The following MED16 variants were observed in gnomAD, a reference collection of about 807,000 sequenced individuals.
MED16 encodes mediator complex subunit 16.
A neutral mutation model predicts 84.4 loss-of-function variants in MED16; 81 were observed. That is an observed-to-expected ratio of 0.96 (90% CI 0.80 to 1.15). The LOEUF (loss-of-function observed/expected upper bound fraction) is 1.15. Among genes scored for constraint, MED16 ranks in the 50% most tolerant of loss-of-function variants. The pLI, the probability that MED16 is intolerant of heterozygous loss-of-function variation, is 0.00. For synonymous variants in MED16, 897 were observed against 552.2 expected, an observed-to-expected ratio of 1.62 and a Z score of -8.76; for missense variants, 1,585 against 1,245.9, an observed-to-expected ratio of 1.27 and a Z score of -4.10.
At position 870,761 on chromosome 19, in the gene MED16, TGGAG is replaced by T. The variant is rs1304979266; in HGVS notation, c.2315+272_2315+275del. 2.2e-3 allele frequency among the ~76,000 whole-genome samples: 110 copies of T among 50,004 alleles called. 1 individual carries two copies. The highest frequency in any genetic ancestry group is 8.0e-3 in the African/African-American group (102 of 12,708). 32.8% of individuals were successfully genotyped at this position (50,004 alleles called of 152,430 possible). ...TTCGGGGGGGTCCTGGGGCAGGACA[TGGAG>T]GGAGGGAGCCGTGTGGATTCGGGGG... On this transcript the variant is annotated intron_variant, in intron 13 of 15. Transcript: ENST00000325464.
Position 871,106 on chromosome 19 carries a change from C to G in MED16, c.2246G>C (p.Arg749Pro). 1.3e-6 allele frequency: 2 copies of G among 1,548,724 alleles called. No homozygotes were observed. The highest frequency in any genetic ancestry group is 1.7e-6 in the Non-Finnish European group (2 of 1,146,032). ...CGTGGGCGCCCGGCCAAACTGCAGA[C>G]GAAGGGGCTGCTTGGGCTGCAGGCG... ...VSRLQPKQPL[R>P]LQFGRAPTLP... The change falls in exon 13 of 16, where the codon CGT becomes CCT. Residue 749 changes from arginine to proline, a missense_variant. Transcript: ENST00000325464.
intron 12 of MED16, chr19:871,513 C>T (rs565136669): frequency 1.6e-5 from 25 of 1,544,014 alleles, no homozygotes; most frequent in Non-Finnish European, 2.1e-5. Context: ...GTGGGAAGCA[C>T]TGTGCCTTTT....
intron 9 of MED16, 92 bp downstream of exon 9, chr19:876,882 C>T (rs111469573): frequency 7.7e-7 from 1 of 1,295,978 alleles, no homozygotes; most frequent in Non-Finnish European, 1.0e-6. Flanking sequence ...CCACGGGGCC[C>T]CCACCTGCCA....
Position 893,162 on chromosome 19 carries a change from T to C in MED16, c.-95A>G, listed in dbSNP as rs1192261203. 1.3e-5 allele frequency: 2 copies of C among 152,248 alleles called. No individual in the cohort carries two copies. The highest frequency in any genetic ancestry group is 2.9e-5 in the Non-Finnish European group (2 of 68,054). The allele number at this position is 152,248 out of a possible 1,614,324, so 9.4% of individuals were successfully genotyped here. A position where few individuals can be genotyped will look rare whatever the true frequency, so the allele number is the denominator to read the frequency against. On this transcript the variant is annotated 5_prime_UTR_variant, in exon 1 of 16. It removes an upstream start codon present in the reference 5' UTR. Transcript: ENST00000325464. ...TAGCGCCTCGGGTCTGGCGCCGCCA[T>C]CTTCCTCGGTAACAACCAGTCGCCT...
chr19:875,698 G>A (rs1477140222), intron 9 of MED16, among the ~76,000 whole-genome samples: 1 of 152,186 alleles, frequency 6.6e-6, no homozygotes, highest in Non-Finnish European at 1.5e-5. Flanking sequence ...GGTGATGTCT[G>A]GAGATATTTT....
chr19:877,046 C>A lies in MED16; in HGVS notation c.1488G>T (p.Gln496His). 6.2e-7 allele frequency: 1 copy of A among 1,612,616 alleles called. No homozygotes were observed. The highest frequency in any genetic ancestry group is 8.5e-7 in the Non-Finnish European group (1 of 1,179,914). Reference sequence around the variant, plus strand: ...CCACCAGGCTCTGTACCATACTGGGCTGCACGTGCAGCAGGATGTCCCACC... The same window carrying A: ...CCACCAGGCTCTGTACCATACTGGGATGCACGTGCAGCAGGATGTCCCACC... ...YDWWDILLHV[Q>H]PSMVQSLVEK... Residue 496 changes from glutamine (Q) to histidine (H), a missense_variant, in exon 9 of 16, where the codon CAG becomes CAT. Physicochemically the swap from Gln to His is conservative, Grantham distance 24. Transcript: ENST00000325464.
intron 3 of MED16, 83 bp from the exon 4 acceptor site, chr19:889,890 GCCAGC>G: frequency 6.8e-7 from 1 of 1,476,500 alleles, no homozygotes; most frequent in Non-Finnish European, 9.0e-7. Context: ...CCTGGGGGAA[GCCAGC>G]CCAGTGGAGA....
chr19:888,472 CA>C (rs2036566724), intron 4 of MED16, among the ~76,000 whole-genome samples: 2 of 147,176 alleles, frequency 1.4e-5, no homozygotes, highest in Admixed American at 1.4e-4. Flanking sequence ...TGCTGTGAGC[CA>C]AGATCGCATC....
At chr19:879,433 G>GCAGCTCGCCTT (rs1568326988) in intron 8 of MED16, among the ~76,000 whole-genome samples, 76 of 5,136 alleles carry the variant, frequency 0.015, no homozygotes, top group Admixed American at 0.025. Context: ...ACCAACCCCA[G>GCAGCTCGCCTT]CCCCACGTGC....
Position 884,974 on chromosome 19 carries a change from A to ATGC in MED16, c.911_913dup (p.Ser304dup). 6.2e-7 allele frequency: 1 copy of ATGC among 1,608,074 alleles called. No individual in the cohort carries two copies. Among genetic ancestry groups the ATGC allele is most frequent in the Admixed American group, 1.7e-5 (1 of 59,700 alleles). ...CTTGCGCAGGGACCAGCACTCCACGATGCTGCTGGTCTGGCTGGACGCGCA... is the reference window on the plus strand; with the variant it reads ...CTTGCGCAGGGACCAGCACTCCACGATGCTGCTGCTGGTCTGGCTGGACGCGCA... On this transcript the variant is annotated inframe_insertion, in exon 6 of 16. Coordinates refer to ENST00000325464, the MANE Select transcript of MED16 (RefSeq NM_005481.3).
At chr19:875,034 C>T (rs905225283) in intron 10 of MED16, among the ~76,000 whole-genome samples, 1 of 152,060 alleles carries the variant, frequency 6.6e-6, no homozygotes, top group Non-Finnish European at 1.5e-5. Context: ...CGTGGTGGCA[C>T]GTGCCTGTAA....
At chr19:871,683 A>AAGGCAG (rs1568319060) in intron 12 of MED16, 2 of 1,513,998 alleles carry the variant, frequency 1.3e-6, no homozygotes, top group South Asian at 2.2e-5. Context: ...AGCAGATATC[A>AAGGCAG]AGGCAGAGCC....
chr19:886,335 G>A lies in MED16; in HGVS notation c.448-134C>T, dbSNP rs1218758662. 2.3e-5 allele frequency: 17 copies of A among 737,182 alleles called. 1 individual carries two copies. Among genetic ancestry groups the A allele is most frequent in the Non-Finnish European group, 3.5e-5 (17 of 481,738 alleles). 45.7% of individuals were successfully genotyped at this position (737,182 alleles called of 1,614,324 possible). On this transcript the variant is annotated intron_variant, in intron 4 of 15. Transcript: ENST00000325464. ...GCACCTGGGTTCAGATCCTGACTCGGCCACCTGAGCCGTGTGGGATGTGAT... is the reference window on the plus strand; with the variant it reads ...GCACCTGGGTTCAGATCCTGACTCGACCACCTGAGCCGTGTGGGATGTGAT...
chr19:880,052 G>A lies in MED16; in HGVS notation c.1238C>T (p.Pro413Leu), dbSNP rs1416290256. 6 of 1,611,218 alleles carry A rather than the reference G, an allele frequency of 3.7e-6. No homozygotes were observed. The highest frequency in any genetic ancestry group is 4.2e-6 in the Non-Finnish European group (5 of 1,179,354). Residue 413 changes from proline to leucine, a missense_variant, in exon 8 of 16, where the codon CCT becomes CTT. Coordinates refer to ENST00000325464, the MANE Select transcript of MED16 (RefSeq NM_005481.3). ...GCGCTTCATGGCCGGCTCATCCACAGGCCTCGGGGCCGCGGAGCTGTAGAA... is the reference window on the plus strand; with the variant it reads ...GCGCTTCATGGCCGGCTCATCCACAAGCCTCGGGGCCGCGGAGCTGTAGAA... ...AVFYSSAAPRPVDEPAMKRPR... is the reference protein window; with the variant it reads ...AVFYSSAAPRLVDEPAMKRPR...
chr19:884,988 G>T lies in MED16; in HGVS notation c.900C>A (p.Ser300Arg). 1 of 1,604,260 alleles carries T rather than the reference G, an allele frequency of 6.2e-7. No individual in the cohort carries two copies. ...MSEQVLLCAS[S>R]QTSSIVECWS... ...AGCACTCCACGATGCTGCTGGTCTGGCTGGACGCGCACAAAAGCACCTGCG... is the reference window on the plus strand; with the variant it reads ...AGCACTCCACGATGCTGCTGGTCTGTCTGGACGCGCACAAAAGCACCTGCG... The change falls in exon 6 of 16, where the codon AGC (serine) becomes AGA (arginine). Residue 300 changes from serine (S) to arginine (R), a missense_variant. Ser to Arg is a moderately radical substitution (Grantham distance 110). Coordinates refer to ENST00000325464, the MANE Select transcript of MED16 (RefSeq NM_005481.3).
intron 12 of MED16, chr19:871,716 G>A (rs895718231): frequency 1.6e-4 from 208 of 1,308,978 alleles, no homozygotes; most frequent in African/African-American, 1.5e-3. Context: ...AGGGGCTTAT[G>A]TTCTGGCGGG....
Position 868,228 on chromosome 19 carries a change from T to C in MED16, c.2507A>G (p.Asp836Gly). ...NCLAVEGRGP[D>G]ACVTSRASEE... The stretch of plus-strand genomic sequence containing the variant: ...AGAAGCTCTGCTGGTCACGCAGGCG[T>C]CCGGCCCACGGCCTTCAACAGCCCT... The change falls in exon 16 of 16, where the codon GAC (aspartate) becomes GGC (glycine). Residue 836 changes from aspartate (D) to glycine (G), a missense_variant. By Grantham distance (94) the Asp-to-Gly change is moderately conservative (BLOSUM62 -1). Transcript: ENST00000325464. 6.3e-7 allele frequency: 1 copy of C among 1,598,676 alleles called. No homozygotes were observed.
intron 9 of MED16, among the ~76,000 whole-genome samples, chr19:875,814 G>C (rs959588104): frequency 6.6e-6 from 1 of 152,188 alleles, no homozygotes; most frequent in Non-Finnish European, 1.5e-5. Flanking sequence ...CCCGATGTCT[G>C]TGGTGCCTAC....
chr19:875,261 G>A lies in MED16; in HGVS notation c.1754C>T (p.Thr585Ile), dbSNP rs1448655232. Residue 585 changes from threonine to isoleucine, a missense_variant, in exon 10 of 16, where the codon ACC becomes ATC. By Grantham distance (89) the Thr-to-Ile change is moderately conservative. Coordinates refer to ENST00000325464, the MANE Select transcript of MED16 (RefSeq NM_005481.3). ...GGACCCACCGACGTCGGTGATCTTGGTGCAGATCTCGGTCAGCCGGTCGCC... is the reference window on the plus strand; with the variant it reads ...GGACCCACCGACGTCGGTGATCTTGATGCAGATCTCGGTCAGCCGGTCGCC... ...SPGDRLTEIC[T>I]KITDVDIDKV... The A allele has an allele frequency of 2.5e-6, 4 of 1,610,768 alleles. No homozygotes were observed. The Admixed American group carries it at 5.0e-5, about 20-fold the overall frequency.
Sources: gnomAD v4.1 joint callset for allele counts (sites outside exome capture counted in the v4.1 genomes callset) on GRCh38, gnomAD v4.1.1 for gene constraint, MANE v1.5 for transcripts, NCBI Gene and HGNC (gene_info 2026-07-23, HGNC 2026-07-21) for gene names.